HSPA4: variants seen among roughly 807,000 people sequenced by gnomAD.
The protein encoded by HSPA4 is heat shock protein family A (Hsp70) member 4.
In HSPA4, 25 loss-of-function variants were observed where a neutral mutation model predicts 106.2. The observed-to-expected ratio is 0.24, with a 90% CI of 0.17 to 0.33. The LOEUF is 0.33. Among genes scored for constraint, HSPA4 ranks in the 10% least tolerant of loss-of-function variants. The pLI is 1.00. For synonymous variants in HSPA4, 332 were observed against 333.6 expected, an observed-to-expected ratio of 1.00 and a Z score of 0.05; for missense variants, 841 against 996.0, an observed-to-expected ratio of 0.84 and a Z score of 2.10.
chr5:133,072,129 C>T (rs1019174294), intron 4 of HSPA4, among the ~76,000 whole-genome samples: 2 of 152,104 alleles, frequency 1.3e-5, no homozygotes, highest in Non-Finnish European at 1.5e-5. Context: ...TTGGGTGGGG[C>T]CTCAAGATCA....
intron 4 of HSPA4, among the ~76,000 whole-genome samples, chr5:133,072,735 A>AC: frequency 6.6e-6 from 1 of 152,032 alleles, no homozygotes; most frequent in Admixed American, 6.6e-5. Context: ...GGGGTCTGTC[A>AC]CATTGGTACC....
At chr5:133,101,737 G>GTTCGA in intron 16 of HSPA4, 22 bp from the exon 17 acceptor site, 6 of 1,602,342 alleles carry the variant, frequency 3.7e-6, no homozygotes, top group Non-Finnish European at 5.1e-6. Context: ...GCCGTATGAA[G>GTTCGA]ACTGTGTATT....
intron 12 of HSPA4, 91 bp from the exon 13 acceptor site, chr5:133,092,609 C>T: frequency 1.2e-6 from 1 of 846,662 alleles, no homozygotes. Context: ...GGTAATTCAG[C>T]AGGAATTACA....
At chr5:133,094,393 G>A (rs562202170) in intron 13 of HSPA4, among the ~76,000 whole-genome samples, 8 of 152,270 alleles carry the variant, frequency 5.3e-5, no homozygotes, top group Non-Finnish European at 8.8e-5. Context: ...GCTTAAGTCC[G>A]TTGTATATTT....
chr5:133,104,504 T>C lies in HSPA4; in HGVS notation c.*68T>C. 1 of 1,404,438 alleles carries C rather than the reference T, an allele frequency of 7.1e-7. No individual in the cohort carries two copies. Among genetic ancestry groups the C allele is most frequent in the South Asian group, 1.2e-5 (1 of 82,060 alleles). 87.0% of individuals were successfully genotyped at this position (1,404,438 alleles called of 1,614,324 possible). On this transcript the variant is annotated 3_prime_UTR_variant, in exon 19 of 19. Transcript: ENST00000304858. ...TAAGTTGTCAACTTTGTTCTAAATA[T>C]CAACTAGCGCAAGTGAATACTGAAG...
intron 6 of HSPA4, among the ~76,000 whole-genome samples, chr5:133,074,934 T>C (rs1472126870): frequency 1.3e-5 from 2 of 152,210 alleles, no homozygotes; most frequent in African/African-American, 4.8e-5. Context: ...TTGCTTTAAT[T>C]ATTTGAATTG....
chr5:133,100,954 C>T lies in HSPA4; in HGVS notation c.2038-805C>T, dbSNP rs1196646606. Among the ~76,000 whole-genome samples the T allele has an allele frequency of 4.6e-5, 7 of 152,090 alleles. No individual in the cohort carries two copies. The South Asian group carries it at 6.2e-4, about 14-fold the overall frequency. On this transcript the variant is annotated intron_variant, in intron 16 of 18. Transcript: ENST00000304858. ...CCAAGTAGCTAGGACTACAGCTGTG[C>T]GCCATCACGCCTGGCTGTTTTAATT...
At chr5:133,096,960 C>CT (rs978529450) in intron 14 of HSPA4, among the ~76,000 whole-genome samples, 14 of 151,870 alleles carry the variant, frequency 9.2e-5, no homozygotes, top group African/African-American at 3.4e-4. Context: ...TTCTATTGTT[C>CT]TTTTTTTTAA....
chr5:133,102,913 CTT>C (rs533273263), intron 17 of HSPA4, among the ~76,000 whole-genome samples: 25 of 103,256 alleles, frequency 2.4e-4, no homozygotes, highest in African/African-American at 6.9e-4. Context: ...CTAGGGTTGT[CTT>C]TTTTTTTTTT....
intron 7 of HSPA4, among the ~76,000 whole-genome samples, chr5:133,077,125 G>C (rs1765455267): frequency 6.6e-6 from 1 of 152,160 alleles, no homozygotes; most frequent in Non-Finnish European, 1.5e-5. Context: ...CCAACATGTT[G>C]ATAGTTCTTT....
Position 133,076,780 on chromosome 5 carries a change from T to G in HSPA4, c.790T>G (p.Leu264Val). The G allele has an allele frequency of 6.2e-7, 1 of 1,614,028 alleles. No homozygotes were observed. The highest frequency in any genetic ancestry group is 8.5e-7 in the Non-Finnish European group (1 of 1,179,940). ...CATTAAGTCCAAAATCCGTGCATTA[T>G]TACGACTCTCTCAGGAGTGTGAGAA... Reference protein sequence around the residue: ...LDIKSKIRALLRLSQECEKLK... With the variant: ...LDIKSKIRALVRLSQECEKLK... The change falls in exon 7 of 19, where the codon TTA becomes GTA. Residue 264 changes from leucine (L) to valine (V), a missense_variant. Transcript: ENST00000304858.
At chr5:133,077,748 G>A (rs1021488660) in intron 7 of HSPA4, among the ~76,000 whole-genome samples, 1 of 152,092 alleles carries the variant, frequency 6.6e-6, no homozygotes, top group Non-Finnish European at 1.5e-5. Context: ...CAAGACTGAT[G>A]GTGTATTTGG....
intron 7 of HSPA4, among the ~76,000 whole-genome samples, chr5:133,083,568 G>A (rs2126707939): frequency 6.6e-6 from 1 of 151,602 alleles, no homozygotes; most frequent in Admixed American, 6.6e-5. Context: ...ATGGAGTTTT[G>A]CTCTTGTTGC....
At position 133,052,094 on chromosome 5, in the gene HSPA4, G is replaced by T. The variant is rs900113129; in HGVS notation, c.-157G>T. On this transcript the variant is annotated 5_prime_UTR_variant, in exon 1 of 19. Transcript: ENST00000304858. ...GGCCTGAGCAGCGCTCTCGGTTGCA[G>T]TACCCACTGGAAGGACTTAGGCGCT... 1.7e-5 allele frequency: 10 copies of T among 590,130 alleles called. No individual in the cohort carries two copies. In the African/African-American group the frequency reaches 1.7e-4, roughly 10 times the overall value. The allele number at this position is 590,130 out of a possible 1,614,324, so 36.6% of individuals were successfully genotyped here.
intron 6 of HSPA4, among the ~76,000 whole-genome samples, chr5:133,075,618 C>T (rs1352005359): frequency 2.6e-5 from 4 of 151,546 alleles, no homozygotes; most frequent in African/African-American, 7.3e-5. Context: ...TGCTTGAGCC[C>T]GGAGTTTGAG....
At chr5:133,092,351 G>A (rs759895337) in intron 12 of HSPA4, among the ~76,000 whole-genome samples, 3 of 152,216 alleles carry the variant, frequency 2.0e-5, no homozygotes, top group Non-Finnish European at 2.9e-5. Context: ...CTTTGAGGAA[G>A]CCTGGAGAAG....
intron 1 of HSPA4, among the ~76,000 whole-genome samples, chr5:133,060,386 C>T (rs1464770558): frequency 6.7e-6 from 1 of 150,136 alleles, no homozygotes; most frequent in East Asian, 1.9e-4. Flanking sequence ...TTTTTTGCGA[C>T]GGAGTTCGCT....
intron 7 of HSPA4, among the ~76,000 whole-genome samples, chr5:133,086,125 C>T (rs1765575504): frequency 6.6e-6 from 1 of 152,104 alleles, no homozygotes; most frequent in Admixed American, 6.6e-5. Context: ...ATCACCTGAG[C>T]CTGGGAACTC....
chr5:133,088,327 C>A, intron 8 of HSPA4, 77 bp from the exon 9 acceptor site: 1 of 1,051,022 alleles, frequency 9.5e-7, no homozygotes, highest in Non-Finnish European at 1.4e-6. Flanking sequence ...TGTTACACAT[C>A]TGAGTTATTT....
Sources: gnomAD v4.1 joint callset for allele counts (sites outside exome capture counted in the v4.1 genomes callset) on GRCh38, gnomAD v4.1.1 for gene constraint, MANE v1.5 for transcripts, NCBI Gene and HGNC (gene_info 2026-07-23, HGNC 2026-07-21) for gene names.